Variants in TINAG observed in about 807,000 individuals in gnomAD.
TINAG encodes the protein tubulointerstitial nephritis antigen.
Under a neutral mutation model 72.7 loss-of-function variants are expected in TINAG, and 83 were observed. The ratio of observed to expected loss-of-function variants is 1.14; its 90% CI spans 0.96 to 1.37. The LOEUF is 1.37. Among genes scored for constraint, TINAG ranks in the 40% most tolerant of loss-of-function variants. TINAG has a pLI of 0.00. For synonymous variants in TINAG, 234 were observed against 189.9 expected, an observed-to-expected ratio of 1.23 and a Z score of -1.91; for missense variants, 685 against 576.6, an observed-to-expected ratio of 1.19 and a Z score of -1.93.
At chr6:54,378,829 T>C (rs1198835985) in intron 9 of TINAG, among the ~76,000 whole-genome samples, 1 of 152,096 alleles carries the variant, frequency 6.6e-6, no homozygotes, top group Admixed American at 6.6e-5. Flanking sequence ...CTATCAGGAA[T>C]AGGAGAAAGC....
intron 5 of TINAG, among the ~76,000 whole-genome samples, chr6:54,346,782 G>A (rs1045790500): frequency 2.6e-5 from 4 of 151,894 alleles, no homozygotes; most frequent in Admixed American, 6.6e-5. Context: ...TACTGTATAA[G>A]ATAGATTCAT....
chr6:54,312,718 A>G (rs1784286204), intron 1 of TINAG, among the ~76,000 whole-genome samples: 1 of 152,200 alleles, frequency 6.6e-6, no homozygotes, highest in Admixed American at 6.5e-5. Context: ...ATATTTAAAA[A>G]CCAGGATTTT....
intron 1 of TINAG, among the ~76,000 whole-genome samples, chr6:54,310,634 T>C (rs28505798): frequency 1.4e-5 from 2 of 142,828 alleles, no homozygotes; most frequent in African/African-American, 2.7e-5. Flanking sequence ...CTTCCTTCCT[T>C]CCTCCCTCTC....
intron 1 of TINAG, among the ~76,000 whole-genome samples, chr6:54,315,700 A>T (rs527390992): frequency 3.3e-4 from 50 of 151,510 alleles, no homozygotes; most frequent in African/African-American, 9.9e-4. Flanking sequence ...AAGTAAAAAA[A>T]TTCAAATGTC....
intron 9 of TINAG, among the ~76,000 whole-genome samples, chr6:54,372,872 C>T (rs1198031816): frequency 1.3e-5 from 2 of 151,484 alleles, no homozygotes; most frequent in Non-Finnish European, 2.9e-5. Flanking sequence ...GTCTTCTCTG[C>T]ACAGAAATAT....
intron 9 of TINAG, among the ~76,000 whole-genome samples, chr6:54,377,477 A>T (rs1763815602): frequency 6.6e-6 from 1 of 152,052 alleles, no homozygotes; most frequent in African/African-American, 2.4e-5. Context: ...GTGTCACTGC[A>T]CTCCAGCCTG....
At chr6:54,376,290 AGACT>A (rs1174680807) in intron 9 of TINAG, among the ~76,000 whole-genome samples, 1 of 152,164 alleles carries the variant, frequency 6.6e-6, no homozygotes, top group Non-Finnish European at 1.5e-5. Context: ...CAGTCCCATT[AGACT>A]GACAGTTTTT....
At chr6:54,389,719 G>A (rs1335906810) in intron 10 of TINAG, 72 bp from the exon 11 acceptor site, 1 of 1,516,496 alleles carries the variant, frequency 6.6e-7, no homozygotes, top group South Asian at 1.4e-5. Flanking sequence ...TTACAAATGA[G>A]TTCTCCATGG....
intron 4 of TINAG, among the ~76,000 whole-genome samples, chr6:54,334,687 A>C (rs1562157512): frequency 6.6e-6 from 1 of 152,182 alleles, no homozygotes; most frequent in Non-Finnish European, 1.5e-5. Flanking sequence ...GCCATCTAAA[A>C]AATTATTTCC....
intron 7 of TINAG, among the ~76,000 whole-genome samples, chr6:54,350,235 C>T (rs1785232728): frequency 6.6e-6 from 1 of 151,876 alleles, no homozygotes; most frequent in African/African-American, 2.4e-5. Flanking sequence ...GTGGTATTAG[C>T]TCATTTTATC....
intron 4 of TINAG, among the ~76,000 whole-genome samples, chr6:54,334,553 T>A (rs187444623): frequency 1.3e-5 from 2 of 152,322 alleles, no homozygotes; most frequent in Non-Finnish European, 2.9e-5. Context: ...CCCAGCAGCA[T>A]GATGTAGTGG....
intron 1 of TINAG, among the ~76,000 whole-genome samples, chr6:54,311,754 T>C (rs1168946768): frequency 2.0e-5 from 3 of 152,186 alleles, no homozygotes; most frequent in Non-Finnish European, 4.4e-5. Flanking sequence ...CCCCCCTTTT[T>C]TGAAGATGAC....
intron 1 of TINAG, among the ~76,000 whole-genome samples, chr6:54,310,076 C>CGTGTGT (rs138971244): frequency 0.065 from 8,344 of 127,530 alleles, 555 homozygotes; most frequent in Admixed American, 0.19. Context: ...CTTTTTTTTC[C>CGTGTGT]GTGTGTGTGT....
chr6:54,388,750 G>A (rs1188311852), intron 10 of TINAG, among the ~76,000 whole-genome samples: 1 of 151,728 alleles, frequency 6.6e-6, no homozygotes, highest in Non-Finnish European at 1.5e-5. Flanking sequence ...TTTTAACCCA[G>A]GAGTCATTTT....
chr6:54,338,523 C>A (rs777350691), intron 4 of TINAG, among the ~76,000 whole-genome samples: 3 of 151,800 alleles, frequency 2.0e-5, no homozygotes, highest in African/African-American at 7.3e-5. Context: ...AGATCAAGAC[C>A]ATCCTAGCTA....
intron 3 of TINAG, among the ~76,000 whole-genome samples, chr6:54,322,530 A>T (rs555684510): frequency 6.6e-6 from 1 of 152,336 alleles, no homozygotes; most frequent in East Asian, 1.9e-4. Flanking sequence ...ATTATCAAGC[A>T]ATTAGAAAAG....
rs70983415 is a variant in TINAG at position 54,360,841 on chromosome 6, G to GTTTTTTTTTTTTTTTTTTTTTTTTTTT, written c.1250+6210_1250+6236dup. ...GTTTCTTGTGTTTCACAGATACTGT[G>GTTTTTTTTTTTTTTTTTTTTTTTTTTT]TTTTTTTTTTTTTTTTTTTTTTTTT... On this transcript the variant is annotated intron_variant, in intron 9 of 10. Transcript: ENST00000259782. Among the ~76,000 whole-genome samples the GTTTTTTTTTTTTTTTTTTTTTTTTTTT allele has an allele frequency of 1.3e-3, 33 of 26,256 alleles. 11 individuals carry two copies. Among genetic ancestry groups the GTTTTTTTTTTTTTTTTTTTTTTTTTTT allele is most frequent in the East Asian group, 5.0e-3 (4 of 806 alleles). The allele number at this position is 26,256 out of a possible 152,430, so 17.2% of individuals were successfully genotyped here. A position where few individuals can be genotyped will look rare whatever the true frequency, so the allele number is the denominator to read the frequency against.
chr6:54,346,147 C>A (rs571584813), intron 5 of TINAG, among the ~76,000 whole-genome samples: 1 of 152,094 alleles, frequency 6.6e-6, no homozygotes, highest in East Asian at 1.9e-4. Flanking sequence ...TCATCACTCA[C>A]ATTAGTTTAT....
At chr6:54,362,640 T>C (rs1763274549) in intron 9 of TINAG, among the ~76,000 whole-genome samples, 1 of 151,620 alleles carries the variant, frequency 6.6e-6, no homozygotes, top group African/African-American at 2.4e-5. Flanking sequence ...CTTTCAAGTG[T>C]TACTACTCAA....
Sources: gnomAD v4.1 joint callset for allele counts (sites outside exome capture counted in the v4.1 genomes callset) on GRCh38, gnomAD v4.1.1 for gene constraint, MANE v1.5 for transcripts, NCBI Gene and HGNC (gene_info 2026-07-23, HGNC 2026-07-21) for gene names.